FN1: variants seen among roughly 807,000 people sequenced by gnomAD.
The protein encoded by FN1 is fibronectin.
A neutral mutation model predicts 297.3 loss-of-function variants in FN1; 106 were observed. That is an observed-to-expected ratio of 0.36 (90% CI 0.30 to 0.42). The LOEUF is 0.42. FN1 is among the 10% of genes least tolerant of loss of function. The pLI is 1.00. For synonymous variants in FN1, 1,149 were observed against 1,152.6 expected, an observed-to-expected ratio of 1.00 and a Z score of 0.06; for missense variants, 2,690 against 3,124.9, an observed-to-expected ratio of 0.86 and a Z score of 3.32.
At chr2:215,433,829 C>T (rs770040426) in intron 2 of FN1, among the ~76,000 whole-genome samples, 1 of 152,266 alleles carries the variant, frequency 6.6e-6, no homozygotes, top group Non-Finnish European at 1.5e-5. Context: ...TGGCCGGGCA[C>T]AGTGGCTCAC....
rs1231281293 is a variant in FN1, at chr2:215,365,589, T to G, written c.7060A>C (p.Lys2354Gln). ...DNGVNYKIGE[K>Q]WDRQGENGQM... ...CCATTTTCTCCCTGACGGTCCCACT[T>G]CTCTCCAATCTTGTAGTTCACACCA... Residue 2354 changes from lysine (K) to glutamine (Q), a missense_variant, in exon 43 of 46, where the codon AAG (lysine) becomes CAG (glutamine). By Grantham distance (53) the Lys-to-Gln change is moderately conservative. Around this residue, in one of 3 missense-constraint regions of FN1, gnomAD observed 1,743 missense variants for 1,945.2 expected, o/e 0.90. Transcript: ENST00000354785. The G allele has an allele frequency of 5.6e-6, 9 of 1,614,044 alleles. No individual in the cohort carries two copies. The highest frequency in any genetic ancestry group is 7.6e-6 in the Non-Finnish European group (9 of 1,179,948).
chr2:215,406,613 C>T (rs547806878), intron 18 of FN1, 103 bp from the exon 19 acceptor site: 386 of 1,258,142 alleles, frequency 3.1e-4, no homozygotes, highest in Non-Finnish European at 4.2e-4. Context: ...GCCTCTCATT[C>T]GAGAGTTTTG....
At chr2:215,425,609 G>A (rs778110626) in intron 6 of FN1, among the ~76,000 whole-genome samples, 3 of 152,140 alleles carry the variant, frequency 2.0e-5, no homozygotes, top group African/African-American at 4.8e-5. Context: ...CTGGAGTGCA[G>A]TGGCGCGGTC....
chr2:215,435,458 T>A (rs945209722), intron 1 of FN1, among the ~76,000 whole-genome samples, 197 bp downstream of exon 1: 5 of 152,240 alleles, frequency 3.3e-5, no homozygotes, highest in Admixed American at 3.3e-4. Context: ...CGTCCTCCAA[T>A]GCACGGTCTT....
rs1330526739 is a variant in FN1 at position 215,397,933 on chromosome 2, A to G, written c.3349-85T>C. 14 of 1,206,446 alleles carry G rather than the reference A, an allele frequency of 1.2e-5. No individual in the cohort carries two copies. In the East Asian group the frequency reaches 1.6e-4, roughly 14 times the overall value. 74.7% of individuals were successfully genotyped at this position (1,206,446 alleles called of 1,614,324 possible). On this transcript the variant is annotated intron_variant, in intron 21 of 45. Coordinates refer to ENST00000354785, the MANE Select transcript of FN1 (RefSeq NM_212482.4). The stretch of plus-strand genomic sequence containing the variant: ...CTGTGAGGCTATGATTATGCTTTAA[A>G]TAGTGTAAACTCTTCAGAAACTGCA...
chr2:215,383,909 T>C, intron 30 of FN1, 111 bp downstream of exon 30: 1 of 1,247,972 alleles, frequency 8.0e-7, no homozygotes, highest in Non-Finnish European at 1.2e-6. Flanking sequence ...AGGTTGTTGC[T>C]CATTAAAAAG....
intron 21 of FN1, among the ~76,000 whole-genome samples, chr2:215,398,163 T>C (rs1349630161): frequency 6.6e-6 from 1 of 152,204 alleles, no homozygotes; most frequent in Admixed American, 6.5e-5. Flanking sequence ...GGTCACATGG[T>C]AGTTCATTTC....
In FN1 at chr2:215,423,480, G is replaced by A; in HGVS notation, c.1263C>T (p.His421=). 6.2e-7 allele frequency: 1 copy of A among 1,614,216 alleles called. No homozygotes were observed. Among genetic ancestry groups the A allele is most frequent in the East Asian group, 2.2e-5 (1 of 44,886 alleles). The stretch of plus-strand genomic sequence containing the variant: ...TGTGGTTGTTGTATAGGAAGGGGAA[G>A]TGGCACAAGGCACCATTGGAATTTC... The part of the protein sequence containing the change: ...RGGNSNGALC[H]FPFLYNNHNY... The change falls in exon 9 of 46, where the codon CAC becomes CAT. Residue 421 remains histidine (H), a synonymous_variant. Coordinates refer to ENST00000354785, the MANE Select transcript of FN1 (RefSeq NM_212482.4).
chr2:215,423,312 G>A, intron 9 of FN1, 38 bp downstream of exon 9: 1 of 1,608,342 alleles, frequency 6.2e-7, no homozygotes, highest in Non-Finnish European at 8.5e-7. Flanking sequence ...TCCCTAAATT[G>A]TTGTCAAACA....
intron 23 of FN1, among the ~76,000 whole-genome samples, chr2:215,394,935 C>T (rs948457583): frequency 6.6e-6 from 1 of 151,970 alleles, no homozygotes; most frequent in Non-Finnish European, 1.5e-5. Context: ...AGACAGTCTC[C>T]CTCTATCACC....
intron 6 of FN1, among the ~76,000 whole-genome samples, chr2:215,426,148 T>C (rs1376440798): frequency 2.8e-5 from 2 of 70,460 alleles, no homozygotes; most frequent in Non-Finnish European, 5.8e-5. Context: ...TTTTTCTTTT[T>C]TTTTTTTTTT....
Position 215,372,162 on chromosome 2 carries a change from G to A in FN1, c.6461C>T (p.Pro2154Leu), listed in dbSNP as rs1249155573. Residue 2154 changes from proline (P) to leucine (L), a missense_variant, in exon 40 of 46, where the codon CCC becomes CTC. Pro to Leu is a moderately conservative substitution (Grantham distance 98, BLOSUM62 -3). Coordinates refer to ENST00000354785, the MANE Select transcript of FN1 (RefSeq NM_212482.4). ...EEHGFRRTTP[P>L]TTATPIRHRP... Reference sequence around the variant, plus strand: ...ATGCCTTATGGGGGTGGCCGTTGTGGGCGGTGTGGTCCGCCTAAAACCATG... The same window carrying A: ...ATGCCTTATGGGGGTGGCCGTTGTGAGCGGTGTGGTCCGCCTAAAACCATG... 1 of 1,614,246 alleles carries A rather than the reference G, an allele frequency of 6.2e-7. No individual in the cohort carries two copies. The highest frequency in any genetic ancestry group is 1.7e-5 in the Admixed American group (1 of 60,036).
At position 215,375,360 on chromosome 2, in the gene FN1, G is replaced by A. The variant is rs780284900; in HGVS notation, c.6011C>T (p.Ala2004Val). 1.2e-6 allele frequency: 2 copies of A among 1,613,948 alleles called. No homozygotes were observed. Among genetic ancestry groups the A allele is most frequent in the African/African-American group, 2.7e-5 (2 of 74,894 alleles). Reference sequence around the variant, plus strand: ...TACCAGCAAGGAATTGGGTGTGGTGGCCAGGAAACGCAGGTTGGATGGTGC... The same window carrying A: ...TACCAGCAAGGAATTGGGTGTGGTGACCAGGAAACGCAGGTTGGATGGTGC... ...IDAPSNLRFL[A>V]TTPNSLLVSW... Residue 2004 changes from alanine (A) to valine (V), a missense_variant, in exon 38 of 46, where the codon GCC becomes GTC. This residue lies in a region of FN1 where 1,743 missense variants were observed against 1,945.2 expected (regional missense o/e 0.90). Transcript: ENST00000354785.
At chr2:215,409,892 G>A in intron 14 of FN1, 42 bp downstream of exon 14, 1 of 1,611,376 alleles carries the variant, frequency 6.2e-7, no homozygotes, top group Non-Finnish European at 8.5e-7. Context: ...CTAGCTCTAG[G>A]AACCTCGGGG....
At position 215,393,121 on chromosome 2, in the gene FN1, G is replaced by C; in HGVS notation, c.3879C>G (p.Ser1293=). 6.2e-7 allele frequency: 1 copy of C among 1,614,080 alleles called. No individual in the cohort carries two copies. Among genetic ancestry groups the C allele is most frequent in the Non-Finnish European group, 8.5e-7 (1 of 1,180,002 alleles). ...CTGTGATGCGGTACCCAATAATGGT[G>C]GAAGAGTTTAGCGGGGTCCACCTCA... is the stretch of plus-strand genomic sequence containing the variant. The part of the protein sequence containing the change: ...IGLRWTPLNS[S]TIIGYRITVV... The change falls in exon 25 of 46, where the codon TCC becomes TCG. Residue 1293 remains serine, a synonymous_variant. Coordinates refer to ENST00000354785, the MANE Select transcript of FN1 (RefSeq NM_212482.4).
At chr2:215,366,458 GATAAA>G (rs2054624921) in intron 42 of FN1, among the ~76,000 whole-genome samples, 1 of 152,040 alleles carries the variant, frequency 6.6e-6, no homozygotes, top group African/African-American at 2.4e-5. Flanking sequence ...AATGAACCCG[GATAAA>G]ATAAAACAAA....
At chr2:215,375,122 G>A in intron 38 of FN1, 92 bp downstream of exon 38, 1 of 1,261,746 alleles carries the variant, frequency 7.9e-7, no homozygotes, top group East Asian at 2.3e-5. Flanking sequence ...GCATTCTCAT[G>A]ACACAGTATC....
Position 215,420,471 on chromosome 2 carries a change from A to T in FN1, c.1675+202T>A, listed in dbSNP as rs570968035. On this transcript the variant is annotated intron_variant, in intron 11 of 45. Coordinates refer to ENST00000354785, the MANE Select transcript of FN1 (RefSeq NM_212482.4). ...TTAAAATAAGCCTAAATTTGTCACC[A>T]AATTCAGCAAAAACCAGACGACTAC... Among the ~76,000 whole-genome samples, 55 of 152,340 alleles carry T rather than the reference A, an allele frequency of 3.6e-4. 1 individual carries two copies. In the South Asian group the frequency reaches 0.011, roughly 30 times the overall value.
In FN1 at chr2:215,367,994, G is replaced by A. The variant is rs201152780; in HGVS notation, c.6887C>T (p.Ser2296Leu). 6.4e-5 allele frequency: 103 copies of A among 1,614,162 alleles called. No homozygotes were observed. In the East Asian group the frequency reaches 1.9e-3, roughly 29 times the overall value. Residue 2296 changes from serine (S) to leucine (L), a missense_variant, in exon 42 of 46, where the codon TCG (serine) becomes TTG (leucine). Around this residue, in one of 3 missense-constraint regions of FN1, gnomAD observed 1,743 missense variants for 1,945.2 expected, o/e 0.90. Transcript: ENST00000354785. ...NEGLNQPTDD[S>L]CFDPYTVSHY... Reference sequence around the variant, plus strand: ...GGAAACTGTGTAGGGGTCAAAGCACGAGTCATCCGTAGGTTGGTTCAAGCC... The same window carrying A: ...GGAAACTGTGTAGGGGTCAAAGCACAAGTCATCCGTAGGTTGGTTCAAGCC...
Sources: gnomAD v4.1 joint callset for allele counts (sites outside exome capture counted in the v4.1 genomes callset) on GRCh38, gnomAD v4.1.1 for gene constraint, gnomAD v4.1.1 regional missense constraint, MANE v1.5 for transcripts, NCBI Gene and HGNC (gene_info 2026-07-23, HGNC 2026-07-21) for gene names.